SAFB2: variants seen among roughly 807,000 people sequenced by gnomAD.
The protein encoded by SAFB2 is scaffold attachment factor B2.
A neutral mutation model predicts 100.6 loss-of-function variants in SAFB2; 32 were observed. That is an observed-to-expected ratio of 0.32 (90% CI 0.24 to 0.43). The LOEUF is 0.43. Ranked by LOEUF, SAFB2 falls within the 20% of genes least tolerant of loss-of-function variation. The pLI is 1.00. For synonymous variants in SAFB2, 500 were observed against 439.4 expected, an observed-to-expected ratio of 1.14 and a Z score of -1.72; for missense variants, 1,185 against 1,163.4, an observed-to-expected ratio of 1.02 and a Z score of -0.27.
intron 9 of SAFB2, 148 bp from the exon 10 acceptor site, chr19:5,605,084 T>G (rs1298017613): frequency 2.2e-6 from 2 of 921,400 alleles, no homozygotes; most frequent in East Asian, 2.5e-5. Flanking sequence ...TGGTTCTAAT[T>G]AATCCTGACC....
At chr19:5,621,898 G>A (rs1429859049) in intron 1 of SAFB2, among the ~76,000 whole-genome samples, 1 of 152,242 alleles carries the variant, frequency 6.6e-6, no homozygotes, top group Admixed American at 6.5e-5. Flanking sequence ...TGCGGAAACA[G>A]ACAATTCCCA....
At position 5,591,758 on chromosome 19, in the gene SAFB2, C is replaced by T. The variant is rs759135667; in HGVS notation, c.2384G>A (p.Arg795Gln). The change falls in exon 17 of 21, where the codon CGG becomes CAG. Residue 795 changes from arginine to glutamine, a missense_variant. Transcript: ENST00000252542. ...CGGGGCTCTACTCACCTGCCCATCC[C>T]GGTGGTCTCCCATCATTGGCCTCGA... The part of the protein sequence containing the change: ...EGSRPMMGDH[R>Q]DGQHYGDDRH... 5.0e-6 allele frequency: 8 copies of T among 1,613,820 alleles called. No homozygotes were observed. The highest frequency in any genetic ancestry group is 4.4e-5 in the South Asian group (4 of 91,060).
chr19:5,617,092 CA>C (rs1186086640), intron 2 of SAFB2, among the ~76,000 whole-genome samples: 1 of 151,758 alleles, frequency 6.6e-6, no homozygotes, highest in Non-Finnish European at 1.5e-5. Flanking sequence ...AAAAAAATCA[CA>C]AAAAAATGAG....
chr19:5,607,824 T>C (rs72977089), intron 9 of SAFB2, among the ~76,000 whole-genome samples: 24,502 of 152,202 alleles, frequency 0.16, 2,199 homozygotes, highest in Middle Eastern at 0.26. Context: ...ACCCACAAGC[T>C]TGAGGTTCCC....
chr19:5,610,288 C>T (rs1237159197), intron 8 of SAFB2, 193 bp from the exon 9 acceptor site: 4 of 602,618 alleles, frequency 6.6e-6, no homozygotes, highest in African/African-American at 5.6e-5. Flanking sequence ...AGTTTCCTTA[C>T]TCAAGGAATA....
At chr19:5,613,718 A>G (rs2052961195) in intron 4 of SAFB2, 191 bp from the exon 5 acceptor site, 1 of 985,266 alleles carries the variant, frequency 1.0e-6, no homozygotes, top group Non-Finnish European at 1.2e-6. Flanking sequence ...CTGCTCCACC[A>G]GCGTCTCTGG....
rs180719319 is a variant in SAFB2, at chr19:5,587,925, C to A, written c.2581G>T (p.Ala861Ser). The change falls in exon 19 of 21, where the codon GCC (alanine) becomes TCC (serine). Residue 861 changes from alanine to serine, a missense_variant. Ala to Ser is a moderately conservative substitution (Grantham distance 99). Around this residue, in one of 3 missense-constraint regions of SAFB2, gnomAD observed 740 missense variants for 687.1 expected, o/e 1.08. Transcript: ENST00000252542. This position sits in a 1 kb window ranked among gnomAD's most constrained non-coding sequence, Gnocchi z 4.9. ...CCTGCGTCCATGGCACCCTGCCAGG[C>A]GCGTGCCTGGTGCTCCTCTAGCCGC... ...NQRLEEHQARAWQGAMDAGAA... is the reference protein window; with the variant it reads ...NQRLEEHQARSWQGAMDAGAA... The A allele has an allele frequency of 6.2e-7, 1 of 1,612,734 alleles. No homozygotes were observed. The highest frequency in any genetic ancestry group is 1.1e-5 in the South Asian group (1 of 91,000).
intron 9 of SAFB2, among the ~76,000 whole-genome samples, 175 bp from the exon 10 acceptor site, chr19:5,605,111 CTTT>C: frequency 6.9e-6 from 1 of 144,584 alleles, no homozygotes; most frequent in Non-Finnish European, 1.5e-5. Context: ...AATACAATTG[CTTT>C]TTTTTTTTTT....
At chr19:5,610,759 G>T in intron 7 of SAFB2, 71 bp from the exon 8 acceptor site, 1 of 1,095,010 alleles carries the variant, frequency 9.1e-7, no homozygotes, top group South Asian at 1.4e-5. Context: ...ATATGATTAT[G>T]TGCTAAAACT....
chr19:5,604,930 C>T lies in SAFB2; in HGVS notation c.1303G>A (p.Gly435Arg), dbSNP rs1416670065. Residue 435 changes from glycine to arginine, a missense_variant, in exon 10 of 21, where the codon GGG becomes AGG. Physicochemically the swap from Gly to Arg is moderately radical, Grantham distance 125 (BLOSUM62 -2). This residue lies in a region of SAFB2 where 94 missense variants were observed against 135.1 expected (regional missense o/e 0.70). Transcript: ENST00000252542. ...NLFSKYGKVV[G>R]AKVVTNARSP... is the part of the protein sequence containing the mutation. ...CGGGCGTTCGTTACCACTTTGGCCC[C>T]GACAACCTTCATGAAAAAGGGCACT... The T allele has an allele frequency of 6.2e-7, 1 of 1,612,476 alleles. No homozygotes were observed. The highest frequency in any genetic ancestry group is 2.2e-5 in the East Asian group (1 of 44,870).
intron 17 of SAFB2, chr19:5,591,480 A>T: frequency 2.9e-6 from 1 of 347,910 alleles, no homozygotes; most frequent in Non-Finnish European, 5.3e-6. Flanking sequence ...GGGTTTCACC[A>T]TGTCGGCCAG....
chr19:5,614,433 T>C (rs2052978796), intron 4 of SAFB2, among the ~76,000 whole-genome samples: 1 of 152,248 alleles, frequency 6.6e-6, no homozygotes, highest in Non-Finnish European at 1.5e-5. Flanking sequence ...TTTGAACTCA[T>C]GACCTGGGAT....
At chr19:5,597,970 A>T (rs2052567269) in intron 13 of SAFB2, among the ~76,000 whole-genome samples, 1 of 151,874 alleles carries the variant, frequency 6.6e-6, no homozygotes, top group Non-Finnish European at 1.5e-5. Context: ...TCTCTACTAA[A>T]AGTAAAAAAA....
intron 9 of SAFB2, among the ~76,000 whole-genome samples, chr19:5,608,609 G>A (rs2052829956): frequency 6.6e-6 from 1 of 152,270 alleles, no homozygotes; most frequent in South Asian, 2.1e-4. Context: ...ACAAAGGAAC[G>A]GCTTCTGTAG....
intron 1 of SAFB2, 29 bp downstream of exon 1, chr19:5,622,501 C>A (rs767673169): frequency 6.5e-7 from 1 of 1,545,174 alleles, no homozygotes; most frequent in South Asian, 1.2e-5. Flanking sequence ...GGGCCTCCTG[C>A]GCCACCCCCG....
chr19:5,600,268 A>C lies in SAFB2; in HGVS notation c.1560-8T>G, dbSNP rs747799313. On this transcript the variant is annotated splice_polypyrimidine_tract_variant and splice_region_variant and intron_variant, in intron 11 of 20. Transcript: ENST00000252542. ...TCCTTCTTAATTACAGTTCTATTTA[A>C]AGACATGGTTATCAAATTTGAGTTC... 1.2e-6 allele frequency: 2 copies of C among 1,610,330 alleles called. No individual in the cohort carries two copies. Among genetic ancestry groups the C allele is most frequent in the East Asian group, 2.2e-5 (1 of 44,856 alleles).
rs1451116429 is a variant in SAFB2 at position 5,593,906 on chromosome 19, G to A, written c.2192C>T (p.Pro731Leu). ...CGGGACTCACCGGTCCAGGTCGTAG[G>A]GCCTCCGCCCGGGCCGCCGCTCCTG... ...YEQERRPGRRPYDLDRRDDAY... is the reference protein window; with the variant it reads ...YEQERRPGRRLYDLDRRDDAY... Residue 731 changes from proline (P) to leucine (L), a missense_variant, in exon 15 of 21, where the codon CCC (proline) becomes CTC (leucine). This residue lies in a region of SAFB2 where 740 missense variants were observed against 687.1 expected (regional missense o/e 1.08). Transcript: ENST00000252542. 2.6e-6 allele frequency: 4 copies of A among 1,514,670 alleles called. No individual in the cohort carries two copies. Among genetic ancestry groups the A allele is most frequent in the Non-Finnish European group, 3.5e-6 (4 of 1,143,266 alleles). 93.8% of individuals were successfully genotyped at this position (1,514,670 alleles called of 1,614,324 possible).
chr19:5,612,843 C>T (rs934164051), intron 5 of SAFB2, among the ~76,000 whole-genome samples: 11 of 152,210 alleles, frequency 7.2e-5, no homozygotes, highest in Non-Finnish European at 1.6e-4. Flanking sequence ...CATGACCAAG[C>T]TGACCTAGTG....
chr19:5,595,231 AAG>A, intron 14 of SAFB2, 128 bp downstream of exon 14: 1 of 1,255,772 alleles, frequency 8.0e-7, no homozygotes, highest in South Asian at 1.4e-5. Flanking sequence ...GACCCAGGTT[AAG>A]CACGACACCC....
Sources: gnomAD v4.1 joint callset for allele counts (sites outside exome capture counted in the v4.1 genomes callset) on GRCh38, gnomAD v4.1.1 for gene constraint, gnomAD v4.1.1 regional missense constraint, Gnocchi (gnomAD v3.1) non-coding constraint, MANE v1.5 for transcripts, NCBI Gene and HGNC (gene_info 2026-07-23, HGNC 2026-07-21) for gene names.